SIPA1L2: variants seen among roughly 807,000 people sequenced by gnomAD.
SIPA1L2 encodes signal-induced proliferation-associated 1-like protein 2.
SIPA1L2 carries 56 observed loss-of-function variants against 163.9 expected under a neutral mutation model. The ratio of observed to expected loss-of-function variants is 0.34; its 90% CI spans 0.28 to 0.43. The LOEUF (loss-of-function observed/expected upper bound fraction) is 0.43. SIPA1L2 is among the 20% of genes least tolerant of loss of function. The pLI, the probability that SIPA1L2 is intolerant of heterozygous loss-of-function variation, is 1.00. For missense variants in SIPA1L2, 1,974 were observed against 2,193.5 expected (o/e 0.90, Z 2.00); for synonymous variants, 877 against 865.7 (o/e 1.01, Z -0.23).
chr1:232,604,521 T>G (rs543270420), intron 1 of SIPA1L2, among the ~76,000 whole-genome samples: 2 of 152,316 alleles, frequency 1.3e-5, no homozygotes, highest in East Asian at 3.9e-4. Flanking sequence ...GATACTCTAA[T>G]CCCCATTTCA....
chr1:232,603,322 G>A (rs1238617932), intron 1 of SIPA1L2, among the ~76,000 whole-genome samples: 1 of 152,200 alleles, frequency 6.6e-6, no homozygotes, highest in African/African-American at 2.4e-5. Context: ...TCTCCTTCCA[G>A]AGGCTGTGAA....
rs71162242 is a variant in SIPA1L2 at position 232,465,517 on chromosome 1, TAC to T, written c.2244-103_2244-102del. The T allele has an allele frequency of 5.3e-3, 2,763 of 525,276 alleles. No homozygotes were observed. The highest frequency in any genetic ancestry group is 7.6e-3 in the South Asian group (288 of 38,078). 32.5% of individuals were successfully genotyped at this position (525,276 alleles called of 1,614,324 possible). On this transcript the variant is annotated intron_variant, in intron 8 of 22. Coordinates refer to ENST00000674635, the MANE Select transcript of SIPA1L2 (RefSeq NM_020808.5). The surrounding 1 kb of genome is among the most constrained non-coding windows in gnomAD (Gnocchi z 4.1). The stretch of plus-strand genomic sequence containing the variant: ...ATATACACACACACACACATATACA[TAC>T]ACACACACACACACATATACATACA...
At chr1:232,520,651 G>T (rs1282479021) in intron 2 of SIPA1L2, among the ~76,000 whole-genome samples, 2 of 152,042 alleles carry the variant, frequency 1.3e-5, no homozygotes, top group Non-Finnish European at 2.9e-5. Context: ...AAATTATATA[G>T]CAGATTTATA....
chr1:232,549,786 G>A (rs948558621), intron 2 of SIPA1L2, among the ~76,000 whole-genome samples: 2 of 152,084 alleles, frequency 1.3e-5, no homozygotes, highest in African/African-American at 4.8e-5. Flanking sequence ...AAAACTCACT[G>A]GTCAATATTA....
chr1:232,509,059 G>A (rs897682213), intron 3 of SIPA1L2, among the ~76,000 whole-genome samples: 1 of 152,282 alleles, frequency 6.6e-6, no homozygotes, highest in Non-Finnish European at 1.5e-5. Flanking sequence ...GCCACTGCAC[G>A]CCAGCCTGGG....
intron 10 of SIPA1L2, among the ~76,000 whole-genome samples, chr1:232,455,171 C>T (rs1011748480): frequency 6.6e-6 from 1 of 152,322 alleles, no homozygotes; most frequent in East Asian, 1.9e-4. Context: ...TTTAGGTTAC[C>T]TTTGTTCTGT....
intron 19 of SIPA1L2, among the ~76,000 whole-genome samples, chr1:232,413,638 C>G (rs569293682): frequency 6.6e-6 from 1 of 152,196 alleles, no homozygotes; most frequent in African/African-American, 2.4e-5. Flanking sequence ...TACCTACTTA[C>G]TCCTTGTTAC....
chr1:232,505,764 C>T (rs1199667992), intron 3 of SIPA1L2, among the ~76,000 whole-genome samples: 4 of 152,218 alleles, frequency 2.6e-5, no homozygotes, highest in East Asian at 3.9e-4. Context: ...ACGGGACCTC[C>T]GTTTGGGGAG....
intron 1 of SIPA1L2, among the ~76,000 whole-genome samples, chr1:232,616,952 T>G (rs1481933755): frequency 6.6e-6 from 1 of 152,228 alleles, no homozygotes; most frequent in African/African-American, 2.4e-5. Flanking sequence ...TCAGCATAAG[T>G]GATTGAAAAT....
chr1:232,599,333 C>G (rs1415365929), intron 1 of SIPA1L2, among the ~76,000 whole-genome samples: 1 of 152,206 alleles, frequency 6.6e-6, no homozygotes, highest in African/African-American at 2.4e-5. Context: ...AAGCTTGCTC[C>G]CAACACCTGT....
intron 1 of SIPA1L2, among the ~76,000 whole-genome samples, chr1:232,578,624 GT>G (rs1660206251): frequency 6.6e-6 from 1 of 152,156 alleles, no homozygotes; most frequent in East Asian, 1.9e-4. Context: ...AACAGTCTGT[GT>G]TTTGTGACTA....
chr1:232,581,173 TTCTTGTAAGGAA>T (rs541192393), intron 1 of SIPA1L2, among the ~76,000 whole-genome samples: 6 of 152,294 alleles, frequency 3.9e-5, no homozygotes, highest in East Asian at 3.9e-4. Flanking sequence ...TCCGTTCTGG[TTCTTGTAAGGAA>T]CCATCCCTGC....
At chr1:232,513,150 A>G (rs1011728100) in intron 3 of SIPA1L2, among the ~76,000 whole-genome samples, 3 of 152,224 alleles carry the variant, frequency 2.0e-5, no homozygotes, top group Non-Finnish European at 2.9e-5. Flanking sequence ...TTTAAATCAG[A>G]GAAGATTCTC....
intron 1 of SIPA1L2, among the ~76,000 whole-genome samples, chr1:232,592,932 C>T (rs978177562): frequency 6.6e-6 from 1 of 152,066 alleles, no homozygotes; most frequent in African/African-American, 2.4e-5. Flanking sequence ...TGAAGAGAAT[C>T]AGTTCCCTGT....
intron 9 of SIPA1L2, among the ~76,000 whole-genome samples, chr1:232,461,636 C>A (rs1387516143): frequency 1.3e-5 from 2 of 152,154 alleles, no homozygotes; most frequent in Admixed American, 6.5e-5. Flanking sequence ...AACCAGCAAG[C>A]ACTAAAAACC....
chr1:232,460,366 C>T (rs970368572), intron 10 of SIPA1L2, among the ~76,000 whole-genome samples: 2 of 152,182 alleles, frequency 1.3e-5, no homozygotes, highest in African/African-American at 4.8e-5. Context: ...ACCAGTTCAA[C>T]ATCTCTCAAG....
chr1:232,472,450 ATTTG>A (rs1395613296), intron 7 of SIPA1L2, among the ~76,000 whole-genome samples: 1 of 152,236 alleles, frequency 6.6e-6, no homozygotes, highest in Non-Finnish European at 1.5e-5. Context: ...CCCAATACAC[ATTTG>A]TTTAACAAAT....
chr1:232,478,174 A>G (rs1466133766), intron 7 of SIPA1L2, among the ~76,000 whole-genome samples: 1 of 152,230 alleles, frequency 6.6e-6, no homozygotes, highest in African/African-American at 2.4e-5. Flanking sequence ...AAATACATAC[A>G]TGTGATCTAG....
intron 18 of SIPA1L2, among the ~76,000 whole-genome samples, chr1:232,424,022 C>T (rs937741401): frequency 6.6e-5 from 10 of 152,082 alleles, no homozygotes; most frequent in African/African-American, 2.4e-4. Flanking sequence ...ATTTTTAGGG[C>T]AGTGTAACTA....
Sources: gnomAD v4.1 joint callset for allele counts (sites outside exome capture counted in the v4.1 genomes callset) on GRCh38, gnomAD v4.1.1 for gene constraint, Gnocchi (gnomAD v3.1) non-coding constraint, MANE v1.5 for transcripts, NCBI Gene and HGNC (gene_info 2026-07-23, HGNC 2026-07-21) for gene names.